The following PHF21B variants were observed in gnomAD, a reference collection of about 807,000 sequenced individuals.
PHF21B encodes the protein PHD finger protein 21B, also known as PHD finger protein 4.
PHF21B carries 22 observed loss-of-function variants against 62.2 expected under a neutral mutation model. The observed-to-expected ratio is 0.35, with a 90% CI of 0.25 to 0.51. The LOEUF (loss-of-function observed/expected upper bound fraction) is 0.51, where lower values mean the gene tolerates loss of function less well. PHF21B is among the 20% of genes least tolerant of loss of function. PHF21B has a pLI of 0.97. For missense variants in PHF21B, 701 were observed against 707.9 expected, an observed-to-expected ratio of 0.99 and a Z score of 0.11; for synonymous variants, 341 against 314.7, an observed-to-expected ratio of 1.08 and a Z score of -0.88.
intron 2 of PHF21B, among the ~76,000 whole-genome samples, chr22:44,993,238 G>A (rs2073069496): frequency 6.6e-6 from 1 of 152,134 alleles, no homozygotes; most frequent in Non-Finnish European, 1.5e-5. Flanking sequence ...AGACAACACA[G>A]AGACACTGAG....
intron 2 of PHF21B, among the ~76,000 whole-genome samples, chr22:44,929,862 C>T (rs1002630771): frequency 2.0e-5 from 3 of 152,128 alleles, no homozygotes; most frequent in South Asian, 2.1e-4. Context: ...GAGGGTCCAC[C>T]GGGCTGGAGG....
chr22:44,888,869 G>T (rs1192374492), intron 9 of PHF21B, among the ~76,000 whole-genome samples: 1 of 152,196 alleles, frequency 6.6e-6, no homozygotes. Context: ...GCTGGAGGGG[G>T]AGCCGGGACC....
rs537996243 is a variant in PHF21B, at chr22:44,982,317, A to G, written c.120+26228T>C. On this transcript the variant is annotated intron_variant, in intron 2 of 12. Transcript: ENST00000313237. ...GGCTGATCTGGGGCAGGGAGAGAGA[A>G]GAGGAAAGACGACAAGATCATGACT... 2.0e-5 allele frequency among the ~76,000 whole-genome samples: 3 copies of G among 152,336 alleles called. No homozygotes were observed. The South Asian group carries it at 6.2e-4, about 32-fold the overall frequency.
At chr22:44,898,273 A>G (rs570197890) in intron 5 of PHF21B, among the ~76,000 whole-genome samples, 1 of 152,250 alleles carries the variant, frequency 6.6e-6, no homozygotes, top group East Asian at 1.9e-4. Context: ...GATTTGTCTG[A>G]TATTTTCCTC....
intron 2 of PHF21B, chr22:45,002,172 A>C (rs1308919939): frequency 6.6e-6 from 1 of 152,274 alleles, no homozygotes; most frequent in African/African-American, 2.4e-5. Flanking sequence ...CATACACATT[A>C]CATAGGCTTT....
At position 45,009,988 on chromosome 22, in the gene PHF21B, C is replaced by A. The variant is rs2073395342; in HGVS notation, c.-439G>T. 1 of 146,234 alleles carries A rather than the reference C, an allele frequency of 6.8e-6. No homozygotes were observed. The allele number at this position is 146,234 out of a possible 1,614,324, so 9.1% of individuals were successfully genotyped here. The stretch of plus-strand genomic sequence containing the variant: ...GCCTCGGCAAAGTTGTGCCTCGGCA[C>A]GATGCTAATTCGGCAGTGCCCGGAT... On this transcript the variant is annotated 5_prime_UTR_variant, in exon 1 of 13. Transcript: ENST00000313237. The surrounding 1 kb of genome is among the most constrained non-coding windows in gnomAD (Gnocchi z 5.9).
At chr22:44,900,855 G>A (rs2071147028) in intron 5 of PHF21B, among the ~76,000 whole-genome samples, 1 of 150,460 alleles carries the variant, frequency 6.6e-6, no homozygotes, top group Admixed American at 6.6e-5. Context: ...TAACTTCACT[G>A]GGTGTGTCTC....
chr22:44,889,503 A>G (rs1244797010), intron 9 of PHF21B, among the ~76,000 whole-genome samples: 1 of 152,216 alleles, frequency 6.6e-6, no homozygotes, highest in African/African-American at 2.4e-5. Flanking sequence ...CAGTCTCTGC[A>G]TCCTCAATTC....
At chr22:44,891,961 C>T (rs1174109772) in intron 7 of PHF21B, among the ~76,000 whole-genome samples, 2 of 152,196 alleles carry the variant, frequency 1.3e-5, no homozygotes, top group Non-Finnish European at 2.9e-5. Context: ...TCGGTGTGGT[C>T]AGGCTGTGGA....
intron 2 of PHF21B, among the ~76,000 whole-genome samples, chr22:45,007,445 G>A (rs1408718867): frequency 4.7e-5 from 7 of 147,966 alleles, no homozygotes; most frequent in South Asian, 2.1e-4. Flanking sequence ...AGGCCCGGGC[G>A]GGGGCGCGCG....
chr22:45,009,686 C>A lies in PHF21B; in HGVS notation c.-137G>T, dbSNP rs556728337. On this transcript the variant is annotated 5_prime_UTR_variant, in exon 1 of 13. Coordinates refer to ENST00000313237, the MANE Select transcript of PHF21B (RefSeq NM_138415.5). This position sits in a 1 kb window ranked among gnomAD's most constrained non-coding sequence, Gnocchi z 5.9. ...TGGGGGGGACACGAGCCCCCTCCCC[C>A]ACGGCCGAAAGGGAAGGGGGCTGGC... 1.9e-4 allele frequency: 157 copies of A among 807,454 alleles called. No individual in the cohort carries two copies. Among genetic ancestry groups the A allele is most frequent in the Non-Finnish European group, 2.6e-4 (146 of 560,244 alleles). The allele number at this position is 807,454 out of a possible 1,614,324, so 50.0% of individuals were successfully genotyped here.
At chr22:44,890,975 G>A (rs1018376121) in intron 8 of PHF21B, among the ~76,000 whole-genome samples, 5 of 152,232 alleles carry the variant, frequency 3.3e-5, no homozygotes, top group African/African-American at 9.6e-5. Flanking sequence ...GAGGCCGCCC[G>A]CGTGTGGGGA....
At chr22:44,943,817 C>T (rs184922196) in intron 2 of PHF21B, among the ~76,000 whole-genome samples, 32 of 152,130 alleles carry the variant, frequency 2.1e-4, no homozygotes, top group Admixed American at 1.6e-3. Context: ...CAGCGGCACC[C>T]TGGCACCATG....
At chr22:44,885,822 G>A (rs373122952) in intron 11 of PHF21B, 41 bp downstream of exon 11, 3 of 1,594,356 alleles carry the variant, frequency 1.9e-6, no homozygotes, top group African/African-American at 2.7e-5. Context: ...GGGGGAGGAG[G>A]GGGAGCAGGT....
rs768397129 is a variant in PHF21B, at chr22:44,883,079, C to T, written c.*7G>A. On this transcript the variant is annotated 3_prime_UTR_variant, in exon 13 of 13. Coordinates refer to ENST00000313237, the MANE Select transcript of PHF21B (RefSeq NM_138415.5). ...TTTCCGTGGGTATGAAGACTGGTCC[C>T]TCGGGGTCAGTTGTGGCCCTGGGGG... 6.2e-7 allele frequency: 1 copy of T among 1,606,116 alleles called. No homozygotes were observed. Among genetic ancestry groups the T allele is most frequent in the Admixed American group, 1.7e-5 (1 of 59,674 alleles).
At chr22:44,897,448 G>A (rs571979238) in intron 5 of PHF21B, among the ~76,000 whole-genome samples, 20 of 152,116 alleles carry the variant, frequency 1.3e-4, no homozygotes, top group Non-Finnish European at 2.1e-4. Context: ...TGTTGGTGAC[G>A]GGAGTGAGGC....
chr22:44,907,610 C>A (rs570328780), intron 5 of PHF21B, among the ~76,000 whole-genome samples: 107 of 152,206 alleles, frequency 7.0e-4, no homozygotes, highest in Non-Finnish European at 1.5e-3. Context: ...AAAGGACAGG[C>A]CCTTCAAGGA....
intron 10 of PHF21B, 45 bp downstream of exon 10, chr22:44,887,918 C>T: frequency 5.0e-6 from 7 of 1,398,438 alleles, no homozygotes; most frequent in Non-Finnish European, 6.5e-6. Context: ...ACGGTGGGGA[C>T]CTCCATGCCA....
chr22:44,944,375 G>T (rs2072022111), intron 2 of PHF21B, among the ~76,000 whole-genome samples: 1 of 152,198 alleles, frequency 6.6e-6, no homozygotes, highest in African/African-American at 2.4e-5. Context: ...GGGCACTATG[G>T]CATGCTCACC....
Sources: gnomAD v4.1 joint callset for allele counts (sites outside exome capture counted in the v4.1 genomes callset) on GRCh38, gnomAD v4.1.1 for gene constraint, Gnocchi (gnomAD v3.1) non-coding constraint, MANE v1.5 for transcripts, NCBI Gene and HGNC (gene_info 2026-07-23, HGNC 2026-07-21) for gene names.